DNAJB1: variants seen among roughly 807,000 people sequenced by gnomAD.
The protein encoded by DNAJB1 is dnaJ homolog subfamily B member 1.
In DNAJB1, 14 loss-of-function variants were observed where a neutral mutation model predicts 24.0. That is an observed-to-expected ratio of 0.58 (90% CI 0.39 to 0.91). DNAJB1 has a LOEUF of 0.91. DNAJB1 is among the 40% of genes least tolerant of loss of function. DNAJB1 has a pLI of 0.00. For synonymous variants in DNAJB1, 262 were observed against 174.4 expected, an observed-to-expected ratio of 1.50 and a Z score of -3.96; for missense variants, 517 against 458.1, an observed-to-expected ratio of 1.13 and a Z score of -1.17.
chr19:14,517,712 C>T (rs743511), intron 1 of DNAJB1: 34,424 of 162,998 alleles, frequency 0.21, 4,594 homozygotes, highest in South Asian at 0.33. Context: ...CGAACGGGGT[C>T]GGCTCCTGCA....
chr19:14,553,928 C>T (rs2073627580), upstream of DNAJB1, among the ~76,000 whole-genome samples: 1 of 152,128 alleles, frequency 6.6e-6, no homozygotes, highest in Non-Finnish European at 1.5e-5. Flanking sequence ...CCAGGGCTCG[C>T]ACCCCCAGCC....
intron 1 of DNAJB1, among the ~76,000 whole-genome samples, chr19:14,542,430 C>T (rs1035974993): frequency 5.2e-5 from 7 of 134,460 alleles, no homozygotes; most frequent in East Asian, 2.5e-4. Flanking sequence ...GGTGCAATCT[C>T]GGCTCACTGC....
rs903108244 is a variant in DNAJB1, at chr19:14,545,161, C to T, written c.-214+5047G>A. On this transcript the variant is annotated intron_variant, in intron 1 of 3. Transcript: ENST00000676982. ...ACCAAAGCAGCCTGTGGCATTCCAG[C>T]GATTCCTCATTGCTCAAGGGTAAAA... The T allele has an allele frequency of 3.1e-5, 14 of 456,736 alleles. No individual in the cohort carries two copies. The Middle Eastern group carries it at 9.8e-4, about 32-fold the overall frequency. The allele number at this position is 456,736 out of a possible 1,614,324, so 28.3% of individuals were successfully genotyped here.
intron 1 of DNAJB1, among the ~76,000 whole-genome samples, chr19:14,535,777 A>AAAAAT: frequency 1.4e-5 from 2 of 142,334 alleles, no homozygotes; most frequent in Non-Finnish European, 3.1e-5. Flanking sequence ...AAAAAAAAAA[A>AAAAAT]GGGAAAGTGG....
chr19:14,556,434 C>CAAAAACAAA (rs1491415468), intron 1 of DNAJB1, among the ~76,000 whole-genome samples: 49 of 128,726 alleles, frequency 3.8e-4, no homozygotes, highest in Admixed American at 8.6e-4. Context: ...ACAAAAAAAA[C>CAAAAACAAA]CACATTGTGA....
chr19:14,528,315 C>T (rs969441138), intron 1 of DNAJB1, among the ~76,000 whole-genome samples: 2 of 150,820 alleles, frequency 1.3e-5, no homozygotes, highest in African/African-American at 2.4e-5. Context: ...TCTTGGCTCA[C>T]TGCAACCTCC....
chr19:14,556,012 T>TCATC (rs1464698291), intron 1 of DNAJB1, among the ~76,000 whole-genome samples: 1 of 152,134 alleles, frequency 6.6e-6, no homozygotes, highest in Non-Finnish European at 1.5e-5. Flanking sequence ...GAGCCAAGTC[T>TCATC]CATCCCTCCT....
At chr19:14,528,344 A>G (rs1361484370) in intron 1 of DNAJB1, among the ~76,000 whole-genome samples, 1 of 151,342 alleles carries the variant, frequency 6.6e-6, no homozygotes, top group Non-Finnish European at 1.5e-5. Flanking sequence ...GGTTCAAGCA[A>G]TTCTTCTGCC....
At chr19:14,546,748 G>A (rs150547652) in intron 1 of DNAJB1, among the ~76,000 whole-genome samples, 1 of 151,940 alleles carries the variant, frequency 6.6e-6, no homozygotes, top group Admixed American at 6.6e-5. Context: ...GCCGTGTCGC[G>A]ATCTTGGCTT....
At chr19:14,516,249 A>G (rs541193599) in intron 2 of DNAJB1, 79 bp from the exon 3 acceptor site, 3 of 1,506,532 alleles carry the variant, frequency 2.0e-6, no homozygotes, top group Middle Eastern at 1.7e-4. Flanking sequence ...TCTGCCATAG[A>G]TAAGACCCAT....
chr19:14,549,071 TAAAAC>T (rs1425106636), intron 1 of DNAJB1, among the ~76,000 whole-genome samples: 5 of 152,078 alleles, frequency 3.3e-5, no homozygotes, highest in African/African-American at 4.8e-5. Flanking sequence ...TTTTAAAAGA[TAAAAC>T]AAAAGTTAAA....
chr19:14,545,522 G>C (rs2073276384), intron 1 of DNAJB1, among the ~76,000 whole-genome samples: 1 of 152,162 alleles, frequency 6.6e-6, no homozygotes, highest in Non-Finnish European at 1.5e-5. Context: ...GGGGGGGATA[G>C]CCTCTCTCAG....
chr19:14,528,252 C>CTT (rs71166752), intron 1 of DNAJB1, among the ~76,000 whole-genome samples: 40 of 133,350 alleles, frequency 3.0e-4, no homozygotes, highest in African/African-American at 5.0e-4. Flanking sequence ...TTTCTTTTTT[C>CTT]TTTTTTTTTT....
chr19:14,527,870 G>C (rs1446933675), intron 1 of DNAJB1: 1 of 152,116 alleles, frequency 6.6e-6, no homozygotes, highest in Non-Finnish European at 1.5e-5. Context: ...CTGTTCCTTT[G>C]TCTGTCAAAA....
chr19:14,518,523 C>G (rs1276993799), upstream of DNAJB1: 3 of 458,920 alleles, frequency 6.5e-6, no homozygotes, highest in Non-Finnish European at 1.1e-5. Flanking sequence ...GCCCTTTCAG[C>G]GACACGCGAC....
In DNAJB1 at chr19:14,518,335, G is replaced by A. The variant is rs768381256; in HGVS notation, c.15C>T (p.Tyr5=). 5.0e-6 allele frequency: 8 copies of A among 1,591,550 alleles called. No individual in the cohort carries two copies. Among genetic ancestry groups the A allele is most frequent in the Middle Eastern group, 2.2e-4 (1 of 4,606 alleles). Reference sequence around the variant, plus strand: ...CGCGGGCCAGGCCCAACGTCTGGTAGTAGTCTTTACCCATGACCCCCTCCT... The same window carrying A: ...CGCGGGCCAGGCCCAACGTCTGGTAATAGTCTTTACCCATGACCCCCTCCT... MGKD[Y]YQTLGLARGA... Residue 5 remains tyrosine (Y), a synonymous_variant, in exon 1 of 3, where the codon TAC becomes TAT. Coordinates refer to ENST00000254322, the MANE Select transcript of DNAJB1 (RefSeq NM_006145.3).
At chr19:14,552,359 T>C (rs1171720831), upstream of DNAJB1, among the ~76,000 whole-genome samples, 1 of 150,284 alleles carries the variant, frequency 6.7e-6, no homozygotes, top group Admixed American at 6.7e-5. Context: ...CTGTTGCACA[T>C]AGCCCTGCTC....
chr19:14,558,702 C>A (rs1369233727), intron 1 of DNAJB1, among the ~76,000 whole-genome samples: 3 of 152,200 alleles, frequency 2.0e-5, no homozygotes, highest in African/African-American at 7.2e-5. Flanking sequence ...TGGGACCTCG[C>A]TGACACCAGT....
At chr19:14,551,808 GT>G (rs1164527929), upstream of DNAJB1, among the ~76,000 whole-genome samples, 2 of 151,900 alleles carry the variant, frequency 1.3e-5, no homozygotes, top group African/African-American at 4.8e-5. Context: ...AGGGTGGTGG[GT>G]TTTTTGTTTT....
Sources: gnomAD v4.1 joint callset for allele counts (sites outside exome capture counted in the v4.1 genomes callset) on GRCh38, gnomAD v4.1.1 for gene constraint, MANE v1.5 for transcripts, NCBI Gene and HGNC (gene_info 2026-07-23, HGNC 2026-07-21) for gene names.